CBFB: variants seen among roughly 807,000 people sequenced by gnomAD.
CBFB encodes the protein core-binding factor subunit beta, also known as CBF-beta.
CBFB carries 9 observed loss-of-function variants against 30.4 expected under a neutral mutation model. That is an observed-to-expected ratio of 0.30 (90% CI 0.18 to 0.52). CBFB has a LOEUF of 0.52. CBFB is among the 20% of genes least tolerant of loss of function. The pLI is 0.97. For missense variants in CBFB, 170 were observed against 244.0 expected (o/e 0.70, Z 2.02); for synonymous variants, 94 against 84.0 (o/e 1.12, Z -0.65).
chr16:67,081,030 G>C (rs1196765880), intron 4 of CBFB, among the ~76,000 whole-genome samples: 1 of 151,874 alleles, frequency 6.6e-6, no homozygotes, highest in East Asian at 1.9e-4. Flanking sequence ...ACAATGTGCA[G>C]ATTAGTTACA....
intron 5 of CBFB, among the ~76,000 whole-genome samples, chr16:67,090,573 T>A (rs1461328400): frequency 6.6e-6 from 1 of 152,240 alleles, no homozygotes; most frequent in Non-Finnish European, 1.5e-5. Context: ...TACACTAGTC[T>A]CTGTTTCCAG....
At chr16:67,033,466 G>A (rs887151750) in intron 2 of CBFB, among the ~76,000 whole-genome samples, 1 of 151,758 alleles carries the variant, frequency 6.6e-6, no homozygotes, top group African/African-American at 2.4e-5. Flanking sequence ...GATTACAGGC[G>A]CCTGCCACCA....
At chr16:67,075,082 C>G (rs959142443) in intron 4 of CBFB, among the ~76,000 whole-genome samples, 2 of 151,990 alleles carry the variant, frequency 1.3e-5, no homozygotes, top group East Asian at 3.9e-4. Flanking sequence ...CCCAGCTACT[C>G]AGGAGGCTGA....
At chr16:67,030,079 A>C in intron 2 of CBFB, 5 of 382,126 alleles carry the variant, frequency 1.3e-5, no homozygotes, top group East Asian at 5.0e-5. Context: ...AGACTAAACA[A>C]GCGAAGGGCA....
At chr16:67,093,072 A>G (rs1961942818) in intron 5 of CBFB, among the ~76,000 whole-genome samples, 2 of 152,030 alleles carry the variant, frequency 1.3e-5, no homozygotes, top group South Asian at 4.1e-4. Flanking sequence ...CAGCCTTCCA[A>G]GCAGCTGGGA....
intron 4 of CBFB, among the ~76,000 whole-genome samples, chr16:67,071,634 T>C (rs1961224541): frequency 6.6e-6 from 1 of 152,218 alleles, no homozygotes; most frequent in African/African-American, 2.4e-5. Context: ...AGCTGTGTGA[T>C]GCTGGCAAGT....
At chr16:67,029,570 C>T in intron 1 of CBFB, 85 bp downstream of exon 1, 2 of 1,405,922 alleles carry the variant, frequency 1.4e-6, no homozygotes, top group South Asian at 1.3e-5. Flanking sequence ...GCACGGTCCC[C>T]GGGAGTCCCG....
intron 3 of CBFB, among the ~76,000 whole-genome samples, chr16:67,037,435 T>C (rs974576435): frequency 6.6e-6 from 1 of 152,104 alleles, no homozygotes; most frequent in African/African-American, 2.4e-5. Context: ...TATTTAGAAA[T>C]AGCTCATAGG....
chr16:67,096,192 C>T (rs749290925), intron 5 of CBFB, among the ~76,000 whole-genome samples: 32 of 151,868 alleles, frequency 2.1e-4, no homozygotes, highest in Non-Finnish European at 4.3e-4. Flanking sequence ...CATGCCTGTT[C>T]TCCCAGCTGC....
At chr16:67,084,756 TGTGCATACGTGTGTGTGTGTGTGC>T (rs1384599819) in intron 5 of CBFB, among the ~76,000 whole-genome samples, 3 of 152,308 alleles carry the variant, frequency 2.0e-5, no homozygotes, top group Non-Finnish European at 2.9e-5. Context: ...TTAAGGTGTG[TGTGCATACGTGTGTGTGTGTGTGC>T]GTGCATGGGT....
intron 3 of CBFB, among the ~76,000 whole-genome samples, chr16:67,053,018 A>G (rs1960601198): frequency 6.6e-6 from 1 of 151,716 alleles, no homozygotes; most frequent in Non-Finnish European, 1.5e-5. Flanking sequence ...CAAAAAAAAA[A>G]AAAAGAAAAA....
chr16:67,075,702 A>T (rs1210362811), intron 4 of CBFB, among the ~76,000 whole-genome samples: 1 of 152,202 alleles, frequency 6.6e-6, no homozygotes. Context: ...AGAAATTGTA[A>T]ACTGCGCAAA....
intron 3 of CBFB, among the ~76,000 whole-genome samples, chr16:67,055,357 C>CTTTCTTTTTTTTTTTTTTTTTTTT (rs1484285498): frequency 7.4e-5 from 6 of 81,474 alleles, no homozygotes; most frequent in African/African-American, 2.7e-4. Context: ...CAGACACTTT[C>CTTTCTTTTTTTTTTTTTTTTTTTT]TTTTTTTTTT....
rs1268758112 is a variant in CBFB at position 67,099,981 on chromosome 16, A to G, written c.*1203A>G. The stretch of plus-strand genomic sequence containing the variant: ...AAACGTTCACAGTTATATATATGGT[A>G]TTTTGCAAAAGGACTATTAATAGAA... On this transcript the variant is annotated 3_prime_UTR_variant, in exon 6 of 6. Transcript: ENST00000412916. The G allele has an allele frequency of 4.8e-6, 1 of 207,390 alleles. No individual in the cohort carries two copies. Among genetic ancestry groups the G allele is most frequent in the East Asian group, 7.4e-5 (1 of 13,562 alleles). The allele number at this position is 207,390 out of a possible 1,614,324, so 12.8% of individuals were successfully genotyped here. A position where few individuals can be genotyped will look rare whatever the true frequency, so the allele number is the denominator to read the frequency against.
intron 3 of CBFB, among the ~76,000 whole-genome samples, chr16:67,056,093 A>G (rs756833510): frequency 5.9e-5 from 9 of 152,164 alleles, no homozygotes; most frequent in Non-Finnish European, 1.2e-4. Context: ...TTGGAAAGAA[A>G]TTACTGTCAG....
intron 3 of CBFB, among the ~76,000 whole-genome samples, chr16:67,053,378 C>T (rs547723821): frequency 6.6e-5 from 10 of 151,226 alleles, no homozygotes; most frequent in African/African-American, 2.2e-4. Context: ...CTCAGCCTCC[C>T]GAGTAGCTGG....
intron 3 of CBFB, among the ~76,000 whole-genome samples, chr16:67,046,547 A>C (rs1403998827): frequency 1.3e-5 from 2 of 152,170 alleles, no homozygotes; most frequent in African/African-American, 2.4e-5. Flanking sequence ...TTGAGGTATA[A>C]TTTACATGTA....
chr16:67,077,125 A>G (rs1004911893), intron 4 of CBFB, among the ~76,000 whole-genome samples: 2 of 152,194 alleles, frequency 1.3e-5, no homozygotes, highest in African/African-American at 4.8e-5. Context: ...TATGTGTTCC[A>G]CCAACATTTG....
intron 2 of CBFB, among the ~76,000 whole-genome samples, chr16:67,031,848 C>G (rs573212133): frequency 4.7e-4 from 71 of 151,480 alleles, no homozygotes; most frequent in African/African-American, 1.7e-3. Flanking sequence ...AGAGGTCTTG[C>G]TGTGTGGCCT....
Sources: gnomAD v4.1 joint callset for allele counts (sites outside exome capture counted in the v4.1 genomes callset) on GRCh38, gnomAD v4.1.1 for gene constraint, MANE v1.5 for transcripts, NCBI Gene and HGNC (gene_info 2026-07-23, HGNC 2026-07-21) for gene names.